CTNNA2: variants seen among roughly 807,000 people sequenced by gnomAD.
The protein encoded by CTNNA2 is catenin alpha 2.
A neutral mutation model predicts 101.0 loss-of-function variants in CTNNA2; 42 were observed. That is an observed-to-expected ratio of 0.42 (90% CI 0.32 to 0.54). CTNNA2 has a LOEUF of 0.54. Ranked by LOEUF, CTNNA2 falls within the 20% of genes least tolerant of loss-of-function variation. The pLI is 0.14. For missense variants in CTNNA2, 871 were observed against 1,223.1 expected (o/e 0.71, Z 4.29); for synonymous variants, 450 against 456.4 (o/e 0.99, Z 0.18).
At chr2:80,045,813 A>G (rs1696480573) in intron 7 of CTNNA2, among the ~76,000 whole-genome samples, 1 of 152,298 alleles carries the variant, frequency 6.6e-6, no homozygotes, top group East Asian at 1.9e-4. Context: ...GGCCATTGAA[A>G]AAAAATGTGC....
At chr2:79,260,943 C>T (rs994087818) in intron 2 of CTNNA2, among the ~76,000 whole-genome samples, 4 of 152,090 alleles carry the variant, frequency 2.6e-5, no homozygotes, top group Non-Finnish European at 5.9e-5. Context: ...CTTGTAATGC[C>T]TATAAGGACA....
chr2:80,078,706 C>T (rs148007564), intron 7 of CTNNA2, among the ~76,000 whole-genome samples: 4 of 152,180 alleles, frequency 2.6e-5, no homozygotes, highest in African/African-American at 4.8e-5. Flanking sequence ...CCAGCTCCAT[C>T]TGGTGCTGCT....
Position 80,271,345 on chromosome 2 carries a change from G to A in CTNNA2, c.1057-121866G>A, listed in dbSNP as rs572688194. The stretch of plus-strand genomic sequence containing the variant: ...TTGGCTAGCTCCATTAACATAATAT[G>A]GTGGGTAAGAAGAAGGATCTTCCAG... On this transcript the variant is annotated intron_variant, in intron 7 of 18. Transcript: ENST00000402739. 1.2e-4 allele frequency among the ~76,000 whole-genome samples: 18 copies of A among 152,084 alleles called. No homozygotes were observed. The South Asian group carries it at 3.7e-3, about 32-fold the overall frequency.
intron 10 of CTNNA2, 88 bp downstream of exon 10, chr2:80,545,162 T>C: frequency 7.8e-7 from 1 of 1,281,208 alleles, no homozygotes; most frequent in Non-Finnish European, 1.1e-6. Context: ...CTCTATTTCC[T>C]CTTGCTGAAA....
chr2:80,566,156 C>T (rs1694044232), intron 12 of CTNNA2, among the ~76,000 whole-genome samples: 1 of 152,066 alleles, frequency 6.6e-6, no homozygotes, highest in African/African-American at 2.4e-5. Context: ...AACAAATTAC[C>T]CGCAAATTTA....
At chr2:80,413,371 A>G (rs1395086943) in intron 8 of CTNNA2, among the ~76,000 whole-genome samples, 2 of 152,224 alleles carry the variant, frequency 1.3e-5, no homozygotes, top group African/African-American at 4.8e-5. Flanking sequence ...GGTTTCATCA[A>G]GATAATGACC....
chr2:80,111,111 G>C (rs1701185072), intron 7 of CTNNA2, among the ~76,000 whole-genome samples: 1 of 152,060 alleles, frequency 6.6e-6, no homozygotes, highest in Admixed American at 6.5e-5. Flanking sequence ...CACAAAAACA[G>C]GAGCATGGGG....
intron 7 of CTNNA2, among the ~76,000 whole-genome samples, chr2:79,988,455 AGTGTAT>A (rs1691920568): frequency 9.3e-6 from 1 of 107,348 alleles, no homozygotes; most frequent in Admixed American, 9.7e-5. Flanking sequence ...TTCTATATGA[AGTGTAT>A]GTGTATGTGT....
chr2:80,162,827 A>G (rs1704414205), intron 7 of CTNNA2: 1 of 1,598,080 alleles, frequency 6.3e-7, no homozygotes, highest in Admixed American at 1.7e-5. Flanking sequence ...GTCTCTGAAA[A>G]TTTTCTGGAG....
At chr2:80,287,593 G>A (rs1251803279) in intron 7 of CTNNA2, among the ~76,000 whole-genome samples, 1 of 152,152 alleles carries the variant, frequency 6.6e-6, no homozygotes, top group East Asian at 1.9e-4. Flanking sequence ...CCCAGCATGT[G>A]CAAAATGTTT....
At chr2:80,021,267 G>T (rs1027989315) in intron 7 of CTNNA2, among the ~76,000 whole-genome samples, 7 of 151,798 alleles carry the variant, frequency 4.6e-5, no homozygotes, top group African/African-American at 1.7e-4. Context: ...CAATCCTCCC[G>T]CCTCAGCCTC....
intron 7 of CTNNA2, among the ~76,000 whole-genome samples, chr2:80,242,525 T>C (rs1671019275): frequency 6.6e-6 from 1 of 152,176 alleles, no homozygotes; most frequent in African/African-American, 2.4e-5. Context: ...CTAGGCTCTT[T>C]GAGCATTAAA....
chr2:79,763,052 C>A (rs989121600), intron 3 of CTNNA2, among the ~76,000 whole-genome samples: 2 of 152,162 alleles, frequency 1.3e-5, no homozygotes, highest in African/African-American at 4.8e-5. Context: ...GGTTTTATAT[C>A]TTTCAGATAC....
intron 3 of CTNNA2, among the ~76,000 whole-genome samples, chr2:79,823,524 A>T (rs906970439): frequency 6.6e-5 from 10 of 152,128 alleles, no homozygotes; most frequent in African/African-American, 2.4e-4. Context: ...TCTCAAAAAA[A>T]AGAAAGAAAA....
At chr2:79,764,954 A>G (rs1445720855) in intron 3 of CTNNA2, among the ~76,000 whole-genome samples, 1 of 152,190 alleles carries the variant, frequency 6.6e-6, no homozygotes, top group African/African-American at 2.4e-5. Flanking sequence ...CTTGGAATTC[A>G]GTATGCATAT....
At chr2:79,774,776 C>G (rs1484482783) in intron 3 of CTNNA2, among the ~76,000 whole-genome samples, 1 of 152,068 alleles carries the variant, frequency 6.6e-6, no homozygotes, top group East Asian at 1.9e-4. Context: ...TCTTTCTGGC[C>G]CAATATTAGG....
At chr2:79,776,342 T>A (rs1158161479) in intron 3 of CTNNA2, among the ~76,000 whole-genome samples, 1 of 152,196 alleles carries the variant, frequency 6.6e-6, no homozygotes, top group Non-Finnish European at 1.5e-5. Flanking sequence ...CATGATAGTG[T>A]CTGGGTACCA....
intron 1 of CTNNA2, among the ~76,000 whole-genome samples, chr2:79,648,112 A>G (rs1339532346): frequency 2.0e-5 from 3 of 152,180 alleles, no homozygotes; most frequent in East Asian, 1.9e-4. Flanking sequence ...AAATCCTCCA[A>G]TCTACCTCAA....
At chr2:79,281,110 A>T (rs1675367639) in intron 2 of CTNNA2, among the ~76,000 whole-genome samples, 1 of 151,902 alleles carries the variant, frequency 6.6e-6, no homozygotes, top group Non-Finnish European at 1.5e-5. Context: ...TCATCTCAAG[A>T]TATGCTTCTG....
Sources: allele counts gnomAD v4.1 joint callset (sites outside exome capture counted in the v4.1 genomes callset), GRCh38; gene constraint gnomAD v4.1.1; transcripts MANE v1.5; gene names NCBI Gene and HGNC (gene_info 2026-07-23, HGNC 2026-07-21).